The following UBXN4 variants were observed in gnomAD, a reference collection of about 807,000 sequenced individuals.
The protein encoded by UBXN4 is UBX domain-containing protein 4.
Under a neutral mutation model 66.2 loss-of-function variants are expected in UBXN4, and 35 were observed. The ratio of observed to expected loss-of-function variants is 0.53; its 90% confidence interval spans 0.40 to 0.70. The LOEUF (loss-of-function observed/expected upper bound fraction) is 0.70. Among genes scored for constraint, UBXN4 ranks in the 30% least tolerant of loss-of-function variants. The probability of loss-of-function intolerance (pLI) is 0.00; values close to 1 mark genes in which losing one functional copy is unlikely to be tolerated. For missense variants in UBXN4, 533 were observed against 599.8 expected, an observed-to-expected ratio of 0.89 and a Z score of 1.16; for synonymous variants, 203 against 204.5, an observed-to-expected ratio of 0.99 and a Z score of 0.06.
rs558602840 is a variant in UBXN4 at position 135,768,596 on chromosome 2, C to T, written c.603-1173C>T. Reference sequence around the variant, plus strand: ...ATTTTTTTTTCCTGAGGCGGAGTCTCACTCTCGCCCAGGCTGGAGTACGGT... The same window carrying T: ...ATTTTTTTTTCCTGAGGCGGAGTCTTACTCTCGCCCAGGCTGGAGTACGGT... On this transcript the variant is annotated intron_variant, in intron 6 of 12. Transcript: ENST00000272638. Among the ~76,000 whole-genome samples, 6 of 151,470 alleles carry T rather than the reference C, an allele frequency of 4.0e-5. No individual in the cohort carries two copies. In the East Asian group the frequency reaches 9.8e-4, roughly 25 times the overall value.
At chr2:135,766,550 A>T in intron 6 of UBXN4, among the ~76,000 whole-genome samples, 1 of 152,158 alleles carries the variant, frequency 6.6e-6, no homozygotes, top group East Asian at 1.9e-4. Flanking sequence ...TTCATGATTT[A>T]GACATTTTGA....
At chr2:135,776,484 G>A (rs1218356654) in intron 10 of UBXN4, 133 bp downstream of exon 10, 2 of 653,978 alleles carry the variant, frequency 3.1e-6, no homozygotes, top group Admixed American at 2.9e-5. Context: ...AGACGCCTCT[G>A]AGATATTGTG....
intron 5 of UBXN4, among the ~76,000 whole-genome samples, chr2:135,757,015 G>A (rs751008777): frequency 3.3e-5 from 5 of 152,110 alleles, no homozygotes; most frequent in Non-Finnish European, 5.9e-5. Flanking sequence ...CAATTTGACT[G>A]TGATATGCCT....
rs1320502725 is a variant in UBXN4, at chr2:135,784,333, T to TA, written c.*1446_*1447insA. On this transcript the variant is annotated 3_prime_UTR_variant, in exon 13 of 13. Coordinates refer to ENST00000272638, the MANE Select transcript of UBXN4 (RefSeq NM_014607.4). Reference sequence around the variant, plus strand: ...AATGGTACAATACTAATTAACAACTTGGTTTAACATGTTTACTGAGCATCT... The same window carrying TA: ...AATGGTACAATACTAATTAACAACTTAGGTTTAACATGTTTACTGAGCATCT... The TA allele has an allele frequency of 6.6e-6, 1 of 152,152 alleles. No homozygotes were observed. The highest frequency in any genetic ancestry group is 2.4e-5 in the African/African-American group (1 of 41,440). 9.4% of individuals were successfully genotyped at this position (152,152 alleles called of 1,614,324 possible). A position where few individuals can be genotyped will look rare whatever the true frequency, so the allele number is the denominator to read the frequency against.
intron 9 of UBXN4, among the ~76,000 whole-genome samples, chr2:135,775,359 A>G (rs905034852): frequency 6.6e-6 from 1 of 152,272 alleles, no homozygotes; most frequent in Non-Finnish European, 1.5e-5. Flanking sequence ...GTACATGAGT[A>G]TAGCAGCATT....
chr2:135,768,346 AT>A (rs1559541964), intron 6 of UBXN4, among the ~76,000 whole-genome samples: 1 of 138,744 alleles, frequency 7.2e-6, no homozygotes, highest in Non-Finnish European at 1.6e-5. Flanking sequence ...TTACAGGCGC[AT>A]GCCACCACAC....
At chr2:135,756,148 G>A (rs908163019) in intron 5 of UBXN4, among the ~76,000 whole-genome samples, 32 of 152,202 alleles carry the variant, frequency 2.1e-4, no homozygotes, top group Non-Finnish European at 3.7e-4. Context: ...GCTTGTAGAA[G>A]TAAGAGGTGT....
intron 5 of UBXN4, 130 bp downstream of exon 5, chr2:135,755,821 T>C: frequency 1.8e-6 from 1 of 544,628 alleles, no homozygotes; most frequent in South Asian, 8.7e-5. Context: ...AATTTAAGAG[T>C]CATATTAAAT....
At position 135,781,922 on chromosome 2, in the gene UBXN4, T is replaced by C. The variant is rs531668243; in HGVS notation, c.1389-827T>C. ...GCTCCATCTCTACAAAAAAAACTTT[T>C]AGTGAGCTGTGTGTGATAGCGTGTG... On this transcript the variant is annotated intron_variant, in intron 12 of 12. Coordinates refer to ENST00000272638, the MANE Select transcript of UBXN4 (RefSeq NM_014607.4). 7.2e-5 allele frequency among the ~76,000 whole-genome samples: 11 copies of C among 152,202 alleles called. No homozygotes were observed. In the East Asian group the frequency reaches 1.4e-3, roughly 19 times the overall value.
intron 5 of UBXN4, among the ~76,000 whole-genome samples, chr2:135,757,764 T>G (rs1031137177): frequency 4.6e-5 from 7 of 151,214 alleles, no homozygotes; most frequent in East Asian, 1.9e-4. Context: ...CTAATCTCAG[T>G]TTTTTTTTAG....
chr2:135,779,057 G>A lies in UBXN4; in HGVS notation c.1163G>A (p.Ser388Asn), dbSNP rs2077434694. Residue 388 changes from serine to asparagine, a missense_variant, in exon 11 of 13, where the codon AGC becomes AAC. By Grantham distance (46) the Ser-to-Asn change is conservative. Transcript: ENST00000272638. ...TTACTGGATTTGGAACTTGCCCCAAGCGCTTCGGTGGTACTGTTGCCAGTA... is the reference window on the plus strand; with the variant it reads ...TTACTGGATTTGGAACTTGCCCCAAACGCTTCGGTGGTACTGTTGCCAGTA... Reference protein sequence around the residue: ...KKLLDLELAPSASVVLLPAGR... With the variant: ...KKLLDLELAPNASVVLLPAGR... 6.2e-7 allele frequency: 1 copy of A among 1,613,230 alleles called. No individual in the cohort carries two copies. The highest frequency in any genetic ancestry group is 8.5e-7 in the Non-Finnish European group (1 of 1,179,710).
At chr2:135,780,839 G>A (rs1459269408) in intron 12 of UBXN4, among the ~76,000 whole-genome samples, 1 of 152,172 alleles carries the variant, frequency 6.6e-6, no homozygotes, top group Non-Finnish European at 1.5e-5. Context: ...TGACAGCCTT[G>A]TCTGGATCAT....
chr2:135,766,919 A>G (rs1002087204), intron 6 of UBXN4, among the ~76,000 whole-genome samples: 3 of 152,024 alleles, frequency 2.0e-5, no homozygotes, highest in Admixed American at 2.0e-4. Flanking sequence ...TATTTTTCTC[A>G]TTCTGTTTTT....
At position 135,760,971 on chromosome 2, in the gene UBXN4, C is replaced by T. The variant is rs558673206; in HGVS notation, c.509-847C>T. Reference sequence around the variant, plus strand: ...ATTATTTTTACTACTACTGTAGTAACGAAAATGCTTACCATGTGCCAGTCT... The same window carrying T: ...ATTATTTTTACTACTACTGTAGTAATGAAAATGCTTACCATGTGCCAGTCT... On this transcript the variant is annotated intron_variant, in intron 5 of 12. Transcript: ENST00000272638. 1.7e-3 allele frequency among the ~76,000 whole-genome samples: 263 copies of T among 152,284 alleles called. 1 individual carries two copies. The highest frequency in any genetic ancestry group is 6.0e-3 in the African/African-American group (248 of 41,544).
chr2:135,744,545 C>T (rs886181110), intron 1 of UBXN4, among the ~76,000 whole-genome samples: 2 of 152,110 alleles, frequency 1.3e-5, no homozygotes, highest in Non-Finnish European at 2.9e-5. Flanking sequence ...GTAGGCCAAA[C>T]TTTGTTAATG....
intron 2 of UBXN4, among the ~76,000 whole-genome samples, chr2:135,751,791 A>C (rs73958621): frequency 0.032 from 4,801 of 151,702 alleles, 234 homozygotes; most frequent in African/African-American, 0.11. Context: ...TATGTTTTTA[A>C]ATGTTTTTAT....
intron 5 of UBXN4, among the ~76,000 whole-genome samples, chr2:135,758,406 G>A (rs1334668199): frequency 6.6e-6 from 1 of 151,674 alleles, no homozygotes; most frequent in Non-Finnish European, 1.5e-5. Context: ...GCAGAGATGG[G>A]GTCTCACTAT....
intron 4 of UBXN4, among the ~76,000 whole-genome samples, chr2:135,755,068 G>A (rs942028792): frequency 2.0e-5 from 3 of 152,232 alleles, no homozygotes; most frequent in Non-Finnish European, 4.4e-5. Flanking sequence ...ACAGGCATGA[G>A]CCACCACACC....
rs2077473036 is a variant in UBXN4, at chr2:135,784,836, C to G, written c.*1949C>G. On this transcript the variant is annotated 3_prime_UTR_variant, in exon 13 of 13. Coordinates refer to ENST00000272638, the MANE Select transcript of UBXN4 (RefSeq NM_014607.4). ...CTTCGTAATTTTGGAGTAGGAGGTT[C>G]CCTCCTCAATTTTGTATTTTTAAAA... 8.2e-6 allele frequency: 1 copy of G among 122,142 alleles called. No homozygotes were observed. The highest frequency in any genetic ancestry group is 3.2e-5 in the African/African-American group (1 of 31,680). 7.6% of individuals were successfully genotyped at this position (122,142 alleles called of 1,614,324 possible).
Sources: allele counts gnomAD v4.1 joint callset (sites outside exome capture counted in the v4.1 genomes callset), GRCh38; gene constraint gnomAD v4.1.1; transcripts MANE v1.5; gene names NCBI Gene and HGNC (gene_info 2026-07-23, HGNC 2026-07-21).